Variants in EYS observed in about 807,000 individuals in gnomAD.
EYS encodes the protein protein eyes shut homolog.
EYS carries 250 observed loss-of-function variants against 282.1 expected under a neutral mutation model. The observed-to-expected ratio is 0.89, with a 90% CI of 0.80 to 0.98. The LOEUF (loss-of-function observed/expected upper bound fraction) is 0.98. EYS is among the 50% of genes least tolerant of loss of function. EYS has a pLI of 0.00. For missense variants in EYS, 4,016 were observed against 3,709.0 expected (o/e 1.08, Z -2.15); for synonymous variants, 1,355 against 1,282.9 (o/e 1.06, Z -1.20).
intron 22 of EYS, among the ~76,000 whole-genome samples, chr6:64,739,001 G>A (rs1477293384): frequency 6.6e-6 from 1 of 152,178 alleles, no homozygotes; most frequent in African/African-American, 2.4e-5. Flanking sequence ...GCCCGCTTCA[G>A]TCTCCCAAAG....
intron 12 of EYS, among the ~76,000 whole-genome samples, chr6:65,137,682 A>C (rs1435074221): frequency 6.6e-6 from 1 of 152,114 alleles, no homozygotes; most frequent in Non-Finnish European, 1.5e-5. Context: ...AGTAGGTAGA[A>C]TCAATAAATA....
At chr6:65,106,004 G>A (rs1044573177) in intron 12 of EYS, among the ~76,000 whole-genome samples, 10 of 151,918 alleles carry the variant, frequency 6.6e-5, no homozygotes, top group Admixed American at 4.6e-4. Flanking sequence ...CAACAAAGGT[G>A]TTAGCAGGCT....
At chr6:63,786,692 A>G (rs1770369841) in intron 39 of EYS, among the ~76,000 whole-genome samples, 1 of 151,196 alleles carries the variant, frequency 6.6e-6, no homozygotes, top group South Asian at 2.1e-4. Flanking sequence ...CTAGAACTTA[A>G]AGTTAAAAAA....
chr6:65,615,778 C>CA (rs1224325602), intron 2 of EYS, among the ~76,000 whole-genome samples: 7 of 151,684 alleles, frequency 4.6e-5, no homozygotes, highest in African/African-American at 9.7e-5. Flanking sequence ...ACTAAAAATA[C>CA]AAAAAATTAG....
intron 34 of EYS, among the ~76,000 whole-genome samples, chr6:63,993,574 G>GA (rs1464120448): frequency 6.6e-6 from 1 of 151,576 alleles, no homozygotes; most frequent in African/African-American, 2.4e-5. Flanking sequence ...TATAATACAT[G>GA]AAAAAGGATA....
intron 36 of EYS, among the ~76,000 whole-genome samples, chr6:63,835,544 G>A (rs2149694429): frequency 6.6e-6 from 1 of 152,054 alleles, no homozygotes; most frequent in South Asian, 2.1e-4. Flanking sequence ...AGATGCAAAG[G>A]GATAAGAATG....
chr6:65,037,440 T>C (rs1402022004), intron 13 of EYS, among the ~76,000 whole-genome samples: 1 of 151,778 alleles, frequency 6.6e-6, no homozygotes, highest in African/African-American at 2.4e-5. Context: ...GTTATATACC[T>C]GCACATGTAC....
At chr6:65,026,696 T>TCA (rs1172779102) in intron 13 of EYS, among the ~76,000 whole-genome samples, 1 of 152,080 alleles carries the variant, frequency 6.6e-6, no homozygotes, top group East Asian at 1.9e-4. Flanking sequence ...GACAGGCAGA[T>TCA]CACAAGGTCA....
At chr6:64,126,627 C>G (rs1773795663) in intron 31 of EYS, among the ~76,000 whole-genome samples, 1 of 152,102 alleles carries the variant, frequency 6.6e-6, no homozygotes, top group Non-Finnish European at 1.5e-5. Flanking sequence ...AGAGCTCTAT[C>G]AGCTTCTTCA....
intron 35 of EYS, among the ~76,000 whole-genome samples, chr6:63,928,524 CTGTGTGTGTGTGTG>C (rs6149619): frequency 7.4e-5 from 11 of 149,396 alleles, no homozygotes. Context: ...CACCTTTTGA[CTGTGTGTGTGTGTG>C]TGTGTGTGTG....
chr6:64,030,881 G>A (rs1234865738), intron 33 of EYS, among the ~76,000 whole-genome samples: 2 of 152,226 alleles, frequency 1.3e-5, no homozygotes, highest in African/African-American at 4.8e-5. Context: ...CCCTCTGGAG[G>A]ACACTACAAC....
chr6:65,424,091 G>A (rs1767572974), intron 5 of EYS, among the ~76,000 whole-genome samples: 1 of 151,766 alleles, frequency 6.6e-6, no homozygotes, highest in Non-Finnish European at 1.5e-5. Context: ...TGAAATTTGT[G>A]TCCTGGCAGC....
At chr6:64,274,467 C>T (rs1768040271) in intron 30 of EYS, among the ~76,000 whole-genome samples, 1 of 146,850 alleles carries the variant, frequency 6.8e-6, no homozygotes. Flanking sequence ...AGGCGCGAGC[C>T]ACCACGCCTG....
chr6:64,014,865 C>T (rs1205148156), intron 33 of EYS, among the ~76,000 whole-genome samples: 1 of 151,824 alleles, frequency 6.6e-6, no homozygotes, highest in African/African-American at 2.4e-5. Flanking sequence ...AAACATGACT[C>T]CCCCATCTTT....
chr6:65,375,175 T>G (rs1487109465), intron 8 of EYS, among the ~76,000 whole-genome samples: 2 of 152,098 alleles, frequency 1.3e-5, no homozygotes, highest in African/African-American at 4.8e-5. Context: ...GGACGAAGCT[T>G]CCAGAGGAGG....
At chr6:64,750,433 G>C (rs1772707515) in intron 22 of EYS, among the ~76,000 whole-genome samples, 1 of 130,384 alleles carries the variant, frequency 7.7e-6, no homozygotes, top group Non-Finnish European at 1.7e-5. Flanking sequence ...AAAAAAAAAA[G>C]CTTTCTTTTT....
chr6:64,798,605 TG>T (rs1294890720), intron 22 of EYS, among the ~76,000 whole-genome samples: 1 of 131,006 alleles, frequency 7.6e-6, no homozygotes, highest in African/African-American at 2.9e-5. Flanking sequence ...TCTTTGTTTC[TG>T]GTTTTTTTTT....
At chr6:64,803,322 C>A (rs1044696661) in intron 22 of EYS, among the ~76,000 whole-genome samples, 1 of 150,982 alleles carries the variant, frequency 6.6e-6, no homozygotes, top group Admixed American at 6.6e-5. Context: ...CTTTCCACAG[C>A]TGGTCATCCA....
At chr6:64,684,640 T>A (rs9345374) in intron 22 of EYS, among the ~76,000 whole-genome samples, 1 of 151,922 alleles carries the variant, frequency 6.6e-6, no homozygotes, top group Non-Finnish European at 1.5e-5. Flanking sequence ...CACACACACA[T>A]ATACACTATA....
Sources: allele counts gnomAD v4.1 joint callset (sites outside exome capture counted in the v4.1 genomes callset), GRCh38; gene constraint gnomAD v4.1.1; transcripts MANE v1.5; gene names NCBI Gene and HGNC (gene_info 2026-07-23, HGNC 2026-07-21).